Variants in GALNT13 observed in about 807,000 individuals in gnomAD.
GALNT13 encodes UDP-GalNAc:polypeptide N-acetylgalactosaminyltransferase 13.
GALNT13 carries 28 observed loss-of-function variants against 64.2 expected under a neutral mutation model. The ratio of observed to expected loss-of-function variants is 0.44; its 90% confidence interval spans 0.32 to 0.60. The LOEUF is 0.60. Ranked by LOEUF, GALNT13 falls within the 20% of genes least tolerant of loss-of-function variation. GALNT13 has a pLI of 0.05. For synonymous variants in GALNT13, 214 were observed against 224.6 expected, an observed-to-expected ratio of 0.95 and a Z score of 0.42; for missense variants, 577 against 669.8, an observed-to-expected ratio of 0.86 and a Z score of 1.53.
the GALNT13 span, among the ~76,000 whole-genome samples, chr2:153,521,101 A>G: frequency 2.6e-5 from 4 of 152,158 alleles, no homozygotes; most frequent in Non-Finnish European, 5.9e-5. Context: ...GTACACCTGA[A>G]AGCGCCATAT....
At chr2:153,275,000 C>T in the GALNT13 span, among the ~76,000 whole-genome samples, 1 of 152,194 alleles carries the variant, frequency 6.6e-6, no homozygotes, top group Non-Finnish European at 1.5e-5. Context: ...AATTTTTCAA[C>T]TGCAAATAAG....
intron 3 of GALNT13, among the ~76,000 whole-genome samples, chr2:154,106,686 G>A (rs1287818431): frequency 2.0e-5 from 3 of 151,616 alleles, no homozygotes; most frequent in East Asian, 1.9e-4. Flanking sequence ...TTAATGTTGT[G>A]TTCCTTTTTG....
At chr2:154,079,236 A>G (rs1701146321) in intron 3 of GALNT13, among the ~76,000 whole-genome samples, 1 of 151,782 alleles carries the variant, frequency 6.6e-6, no homozygotes, top group East Asian at 1.9e-4. Context: ...ATTTATAATT[A>G]GTGAGATAAA....
the GALNT13 span, among the ~76,000 whole-genome samples, chr2:153,699,143 A>T: frequency 1.3e-5 from 2 of 152,126 alleles, no homozygotes; most frequent in Non-Finnish European, 2.9e-5. Context: ...AATCACTTGA[A>T]CCAGGAGGTA....
At chr2:153,682,643 A>G in the GALNT13 span, among the ~76,000 whole-genome samples, 9 of 151,818 alleles carry the variant, frequency 5.9e-5, no homozygotes, top group Non-Finnish European at 8.8e-5. Context: ...TTTGTCATGA[A>G]ATTTGCACAT....
At chr2:153,267,716 T>A in the GALNT13 span, among the ~76,000 whole-genome samples, 1 of 151,710 alleles carries the variant, frequency 6.6e-6, no homozygotes, top group Admixed American at 6.6e-5. Flanking sequence ...TGGAGGCATT[T>A]TCCCCATTGC....
intron 3 of GALNT13, among the ~76,000 whole-genome samples, chr2:154,114,520 G>T (rs901481437): frequency 6.6e-6 from 1 of 152,130 alleles, no homozygotes; most frequent in Non-Finnish European, 1.5e-5. Flanking sequence ...TCTTTCACCA[G>T]AAGTCTCCTT....
chr2:153,234,888 T>G, the GALNT13 span, among the ~76,000 whole-genome samples: 1 of 152,208 alleles, frequency 6.6e-6, no homozygotes, highest in African/African-American at 2.4e-5. Context: ...TACAGGCATA[T>G]GCCATTTTAT....
intron 4 of GALNT13, among the ~76,000 whole-genome samples, chr2:154,172,668 G>A (rs74764657): frequency 3.7e-5 from 5 of 136,492 alleles, no homozygotes; most frequent in Non-Finnish European, 8.2e-5. Flanking sequence ...GTGTGTGTGT[G>A]TATGCGCATA....
the GALNT13 span, among the ~76,000 whole-genome samples, chr2:153,747,051 T>G: frequency 1.3e-5 from 2 of 152,108 alleles, no homozygotes; most frequent in African/African-American, 4.8e-5. Flanking sequence ...CTTTTAATGT[T>G]TTTGTAATTT....
chr2:153,544,430 G>A, the GALNT13 span, among the ~76,000 whole-genome samples: 1 of 152,078 alleles, frequency 6.6e-6, no homozygotes, highest in African/African-American at 2.4e-5. Context: ...TACAAGCATT[G>A]CATGATGTCT....
chr2:153,723,376 C>T, the GALNT13 span, among the ~76,000 whole-genome samples: 2 of 150,556 alleles, frequency 1.3e-5, 1 homozygote, highest in Admixed American at 1.3e-4. Context: ...TGGAAGCATT[C>T]CCTTTGAAAA....
At chr2:153,435,600 G>T in the GALNT13 span, among the ~76,000 whole-genome samples, 1 of 151,984 alleles carries the variant, frequency 6.6e-6, no homozygotes, top group Non-Finnish European at 1.5e-5. Context: ...AATTGTGAAT[G>T]GGATTTCACT....
At chr2:153,186,438 A>C in the GALNT13 span, among the ~76,000 whole-genome samples, 1 of 152,230 alleles carries the variant, frequency 6.6e-6, no homozygotes, top group South Asian at 2.1e-4. Context: ...TAATTGGGGC[A>C]TTTAGCTCAT....
chr2:153,983,816 T>C (rs367679665), intron 3 of GALNT13, among the ~76,000 whole-genome samples: 1 of 151,936 alleles, frequency 6.6e-6, no homozygotes, highest in African/African-American at 2.4e-5. Context: ...GTGCCCTTTG[T>C]ATTGTGCCAT....
the GALNT13 span, among the ~76,000 whole-genome samples, chr2:153,749,294 C>G: frequency 6.6e-6 from 1 of 151,686 alleles, no homozygotes; most frequent in African/African-American, 2.4e-5. Context: ...TTTTGCTCAG[C>G]ATTGATTGCT....
At chr2:153,674,321 C>A in the GALNT13 span, among the ~76,000 whole-genome samples, 1 of 152,100 alleles carries the variant, frequency 6.6e-6, no homozygotes, top group African/African-American at 2.4e-5. Flanking sequence ...CCTACAGTAA[C>A]CAAAACAGCA....
intron 9 of GALNT13, among the ~76,000 whole-genome samples, chr2:154,382,851 G>A (rs1263319767): frequency 1.3e-5 from 2 of 151,704 alleles, no homozygotes; most frequent in African/African-American, 2.4e-5. Flanking sequence ...AGAGACTGTG[G>A]TTATGGAATT....
intron 2 of GALNT13, among the ~76,000 whole-genome samples, chr2:153,926,070 G>A (rs1277312957): frequency 6.6e-6 from 1 of 151,958 alleles, no homozygotes; most frequent in East Asian, 1.9e-4. Context: ...TGTCAATCAT[G>A]ATTTTTTTCA....
Sources: allele counts gnomAD v4.1 joint callset (sites outside exome capture counted in the v4.1 genomes callset), GRCh38; gene constraint gnomAD v4.1.1; transcripts MANE v1.5; gene names NCBI Gene and HGNC (gene_info 2026-07-23, HGNC 2026-07-21).